ABCA13: variants seen among roughly 807,000 people sequenced by gnomAD.
The protein encoded by ABCA13 is ATP-binding cassette sub-family A member 13.
A neutral mutation model predicts 478.7 loss-of-function variants in ABCA13; 476 were observed. The observed-to-expected ratio is 0.99, with a 90% CI of 0.92 to 1.07. ABCA13 has a LOEUF of 1.07. Ranked by LOEUF, ABCA13 falls within the 50% of genes least tolerant of loss-of-function variation. The probability of loss-of-function intolerance (pLI) is 0.00; values close to 1 mark genes in which losing one functional copy is unlikely to be tolerated. For synonymous variants in ABCA13, 2,252 were observed against 2,158.9 expected, an observed-to-expected ratio of 1.04 and a Z score of -1.20; for missense variants, 6,060 against 5,910.6, an observed-to-expected ratio of 1.03 and a Z score of -0.83.
chr7:48,407,568 T>G (rs1245103326), intron 39 of ABCA13, among the ~76,000 whole-genome samples: 2 of 152,008 alleles, frequency 1.3e-5, no homozygotes, highest in African/African-American at 4.8e-5. Flanking sequence ...ATAACAACTT[T>G]TTTTTTGAGA....
chr7:48,422,511 C>A (rs143947310), intron 41 of ABCA13, among the ~76,000 whole-genome samples: 224 of 152,256 alleles, frequency 1.5e-3, no homozygotes, highest in Non-Finnish European at 2.7e-3. Flanking sequence ...GACCAAGAGA[C>A]CAAAAAGGTA....
At chr7:48,293,098 C>A (rs552073436) in intron 20 of ABCA13, among the ~76,000 whole-genome samples, 2 of 151,834 alleles carry the variant, frequency 1.3e-5, no homozygotes, top group East Asian at 3.9e-4. Context: ...GTTCCCCCCA[C>A]AGTGAGATTT....
Position 48,614,126 on chromosome 7 carries a change from T to C in ABCA13, c.14745-1159T>C, listed in dbSNP as rs919489978. ...CACTAATTTTCATATTATAACAGTT[T>C]TTCCATTTTCAAAATATCCATTCTT... On this transcript the variant is annotated intron_variant, in intron 58 of 61. Coordinates refer to ENST00000435803, the MANE Select transcript of ABCA13 (RefSeq NM_152701.5). Among the ~76,000 whole-genome samples, 6 of 150,728 alleles carry C rather than the reference T, an allele frequency of 4.0e-5. 1 individual carries two copies. The Admixed American group carries it at 4.0e-4, about 10-fold the overall frequency.
chr7:48,474,200 G>A (rs372249483), intron 45 of ABCA13, among the ~76,000 whole-genome samples: 12 of 152,106 alleles, frequency 7.9e-5, no homozygotes, highest in East Asian at 1.9e-4. Context: ...CCATACAAAT[G>A]TGTGAATTTG....
chr7:48,318,843 A>C (rs754696974), intron 27 of ABCA13, among the ~76,000 whole-genome samples: 1 of 152,170 alleles, frequency 6.6e-6, no homozygotes, highest in African/African-American at 2.4e-5. Flanking sequence ...GACTTTAAAA[A>C]AAGATGATAT....
intron 31 of ABCA13, among the ~76,000 whole-genome samples, chr7:48,362,590 T>C (rs953101703): frequency 6.6e-6 from 1 of 151,630 alleles, no homozygotes; most frequent in African/African-American, 2.4e-5. Flanking sequence ...TTATAAATTA[T>C]ATATAGTCTT....
chr7:48,479,784 A>C (rs922722861), intron 45 of ABCA13, among the ~76,000 whole-genome samples: 1 of 152,162 alleles, frequency 6.6e-6, no homozygotes, highest in African/African-American at 2.4e-5. Context: ...TCTTTCCTCA[A>C]GCCTTTCTTT....
At chr7:48,217,071 C>T (rs1389282492) in intron 3 of ABCA13, among the ~76,000 whole-genome samples, 1 of 152,168 alleles carries the variant, frequency 6.6e-6, no homozygotes, top group Non-Finnish European at 1.5e-5. Context: ...CCACTCTATA[C>T]AGCAATTTCA....
chr7:48,536,331 G>A (rs1440395246), intron 55 of ABCA13, among the ~76,000 whole-genome samples: 1 of 152,044 alleles, frequency 6.6e-6, no homozygotes, highest in Non-Finnish European at 1.5e-5. Context: ...TTTATAAAAA[G>A]TTCTTACAAG....
At chr7:48,227,218 A>G (rs376532644) in intron 5 of ABCA13, 44 bp from the exon 6 acceptor site, 700 of 1,605,404 alleles carry the variant, frequency 4.4e-4, no homozygotes, top group Non-Finnish European at 5.5e-4. Context: ...CTTTATTAAT[A>G]AAACTCCAGA....
chr7:48,514,221 G>A (rs1334451351), intron 51 of ABCA13, among the ~76,000 whole-genome samples: 1 of 152,166 alleles, frequency 6.6e-6, no homozygotes, highest in African/African-American at 2.4e-5. Context: ...TAATCTTGCT[G>A]TGTGTTGTGC....
intron 53 of ABCA13, among the ~76,000 whole-genome samples, 159 bp downstream of exon 53, chr7:48,520,453 G>A (rs559875109): frequency 1.3e-5 from 2 of 152,254 alleles, no homozygotes; most frequent in South Asian, 4.2e-4. Flanking sequence ...AACATTGATT[G>A]GTGTCAGTCA....
intron 32 of ABCA13, among the ~76,000 whole-genome samples, chr7:48,368,287 A>C (rs1812006618): frequency 6.6e-6 from 1 of 152,082 alleles, no homozygotes; most frequent in South Asian, 2.1e-4. Context: ...TACTGTTATA[A>C]AACTTGAAAC....
intron 42 of ABCA13, among the ~76,000 whole-genome samples, chr7:48,447,377 A>G (rs1019248811): frequency 1.3e-5 from 2 of 152,080 alleles, no homozygotes. Context: ...CCCATAATCC[A>G]TTTCTTTCTC....
chr7:48,183,825 T>C (rs1269437976), intron 1 of ABCA13, among the ~76,000 whole-genome samples: 1 of 152,212 alleles, frequency 6.6e-6, no homozygotes, highest in African/African-American at 2.4e-5. Flanking sequence ...TTTGCATGAC[T>C]TCCAATTTTT....
chr7:48,281,258 G>A (rs1045156516), intron 18 of ABCA13, 85 bp from the exon 19 acceptor site: 2 of 1,115,976 alleles, frequency 1.8e-6, no homozygotes, highest in African/African-American at 1.5e-5. Flanking sequence ...TTACATGTGT[G>A]TTATAACTTA....
intron 29 of ABCA13, among the ~76,000 whole-genome samples, chr7:48,339,541 C>T (rs1042257469): frequency 3.9e-5 from 6 of 152,190 alleles, no homozygotes; most frequent in Admixed American, 3.3e-4. Context: ...GAGTGTGAAT[C>T]GTACCTGAGC....
intron 32 of ABCA13, among the ~76,000 whole-genome samples, chr7:48,368,551 T>C (rs144344074): frequency 6.6e-6 from 1 of 151,980 alleles, no homozygotes; most frequent in African/African-American, 2.4e-5. Context: ...AGTGAGAACA[T>C]ATGATGTTTG....
Position 48,607,141 on chromosome 7 carries a change from TCTGTG to T in ABCA13, c.14745-8143_14745-8139del, listed in dbSNP as rs531777151. ...GCCCGTGGATCTTAGTTTGCTGGGCTCTGTGGGGGTGGGACCCGCTGAGCCAGGTG... is the reference window on the plus strand; with the variant it reads ...GCCCGTGGATCTTAGTTTGCTGGGCTGGGGTGGGACCCGCTGAGCCAGGTG... On this transcript the variant is annotated intron_variant, in intron 58 of 61. Coordinates refer to ENST00000435803, the MANE Select transcript of ABCA13 (RefSeq NM_152701.5). 1.0e-3 allele frequency among the ~76,000 whole-genome samples: 159 copies of T among 152,300 alleles called. 2 individuals carry two copies. The highest frequency in any genetic ancestry group is 3.7e-3 in the African/African-American group (152 of 41,570).
Sources: allele counts gnomAD v4.1 joint callset (sites outside exome capture counted in the v4.1 genomes callset), GRCh38; gene constraint gnomAD v4.1.1; transcripts MANE v1.5; gene names NCBI Gene and HGNC (gene_info 2026-07-23, HGNC 2026-07-21).